The following AGPS variants were observed in gnomAD, a reference collection of about 807,000 sequenced individuals.
AGPS encodes alkyldihydroxyacetonephosphate synthase, peroxisomal.
AGPS carries 26 observed loss-of-function variants against 90.7 expected under a neutral mutation model. That is an observed-to-expected ratio of 0.29 (90% CI 0.21 to 0.40). The LOEUF (loss-of-function observed/expected upper bound fraction) is 0.40. Among genes scored for constraint, AGPS ranks in the 10% least tolerant of loss-of-function variants. The pLI is 1.00. For missense variants in AGPS, 540 were observed against 816.1 expected (o/e 0.66, Z 4.12); for synonymous variants, 294 against 285.3 (o/e 1.03, Z -0.31).
At chr2:177,505,627 T>A (rs777423702) in intron 15 of AGPS, 52 bp downstream of exon 15, 2 of 1,493,274 alleles carry the variant, frequency 1.3e-6, no homozygotes, top group Non-Finnish European at 9.3e-7. Context: ...CAAACAATAC[T>A]TTTTCTTACT....
rs148628640 is a variant in AGPS at position 177,526,190 on chromosome 2, C to A, written c.1855+2385C>A. Among the ~76,000 whole-genome samples the A allele has an allele frequency of 1.6e-4, 24 of 147,936 alleles. No homozygotes were observed. In the East Asian group the frequency reaches 4.7e-3, roughly 29 times the overall value. On this transcript the variant is annotated intron_variant, in intron 19 of 19. Transcript: ENST00000264167. ...TTTATAAGATCATGTTTATTCAATT[C>A]TTGATCACAAAGCAAATAATGTAAA...
At chr2:177,441,467 C>T (rs1382147978) in intron 6 of AGPS, 1 of 153,688 alleles carries the variant, frequency 6.5e-6, no homozygotes, top group Non-Finnish European at 1.4e-5. Flanking sequence ...CTGATGCTTT[C>T]TGTTGAATTT....
intron 1 of AGPS, among the ~76,000 whole-genome samples, chr2:177,405,223 A>G (rs1010809445): frequency 6.6e-6 from 1 of 152,240 alleles, no homozygotes; most frequent in Non-Finnish European, 1.5e-5. Context: ...GCACAGAATA[A>G]TTGAACCCCT....
At chr2:177,441,920 T>C (rs1054224864) in intron 6 of AGPS, among the ~76,000 whole-genome samples, 3 of 152,264 alleles carry the variant, frequency 2.0e-5, no homozygotes, top group African/African-American at 7.2e-5. Flanking sequence ...TCTAGACATT[T>C]TAAGCTTGTT....
chr2:177,532,016 A>G (rs543219811), intron 19 of AGPS, among the ~76,000 whole-genome samples: 6 of 152,324 alleles, frequency 3.9e-5, no homozygotes, highest in Non-Finnish European at 8.8e-5. Flanking sequence ...AAACAAAACT[A>G]TAAAACCTTT....
chr2:177,414,767 A>G (rs1685735983), intron 1 of AGPS, among the ~76,000 whole-genome samples: 1 of 152,062 alleles, frequency 6.6e-6, no homozygotes, highest in Admixed American at 6.5e-5. Flanking sequence ...TGAGCAGCGT[A>G]TTTGCCTCAG....
intron 2 of AGPS, among the ~76,000 whole-genome samples, chr2:177,425,577 C>T (rs188231959): frequency 1.7e-4 from 24 of 144,386 alleles, no homozygotes; most frequent in African/African-American, 2.6e-4. Flanking sequence ...GCCAAGATCA[C>T]GCCATTGCAC....
chr2:177,462,310 A>G (rs1436064623), intron 9 of AGPS, among the ~76,000 whole-genome samples: 1 of 148,266 alleles, frequency 6.7e-6, no homozygotes, highest in African/African-American at 2.5e-5. Context: ...GGAGAATGGC[A>G]TGAACCTGGG....
chr2:177,429,184 T>C (rs1302178889), intron 2 of AGPS, among the ~76,000 whole-genome samples: 1 of 152,230 alleles, frequency 6.6e-6, no homozygotes, highest in African/African-American at 2.4e-5. Context: ...CTCTCTAAAC[T>C]GGCTCTTCTG....
chr2:177,417,725 G>T (rs1439310567), intron 1 of AGPS, among the ~76,000 whole-genome samples: 1 of 152,016 alleles, frequency 6.6e-6, no homozygotes, highest in African/African-American at 2.4e-5. Context: ...GGGTTCTGAG[G>T]ATCTTTTTAG....
At chr2:177,491,360 G>C (rs1048035433) in intron 11 of AGPS, among the ~76,000 whole-genome samples, 53 of 151,148 alleles carry the variant, frequency 3.5e-4, no homozygotes, top group Non-Finnish European at 6.2e-4. Flanking sequence ...CTGGGTTCAA[G>C]CAATTCCCCT....
chr2:177,534,891 G>A (rs1360636273), intron 19 of AGPS, among the ~76,000 whole-genome samples: 2 of 151,856 alleles, frequency 1.3e-5, no homozygotes, highest in East Asian at 3.9e-4. Flanking sequence ...GAGTCACTGT[G>A]CCTGGCCTAG....
Position 177,497,488 on chromosome 2 carries a change from A to T in AGPS, c.1286-201A>T, listed in dbSNP as rs190454862. On this transcript the variant is annotated intron_variant, in intron 12 of 19. Transcript: ENST00000264167. ...TTGTAAATAAAAAGTTGTTTGTGACATTTGAAAGAAGATAAAAGTAGCAAA... is the reference window on the plus strand; with the variant it reads ...TTGTAAATAAAAAGTTGTTTGTGACTTTTGAAAGAAGATAAAAGTAGCAAA... 3.9e-5 allele frequency among the ~76,000 whole-genome samples: 6 copies of T among 152,016 alleles called. No homozygotes were observed. The East Asian group carries it at 9.6e-4, about 24-fold the overall frequency.
intron 19 of AGPS, 127 bp from the exon 20 acceptor site, chr2:177,537,947 A>G (rs1485035780): frequency 7.3e-7 from 1 of 1,362,924 alleles, no homozygotes; most frequent in Admixed American, 1.7e-5. Flanking sequence ...AATCAAATAA[A>G]GCAAAACATT....
In AGPS at chr2:177,427,734, G is replaced by A. The variant is rs536280459; in HGVS notation, c.351-6593G>A. ...TTCAGTTATTTTGCATTTGCTGGGG[G>A]GTGTTTTAATTCCGATTACGTGATC... On this transcript the variant is annotated intron_variant, in intron 2 of 19. Transcript: ENST00000264167. Among the ~76,000 whole-genome samples the A allele has an allele frequency of 1.4e-3, 206 of 152,060 alleles. 3 individuals carry two copies. The highest frequency in any genetic ancestry group is 4.8e-3 in the African/African-American group (201 of 41,480).
chr2:177,429,559 C>T (rs940005486), intron 2 of AGPS, among the ~76,000 whole-genome samples: 2 of 152,102 alleles, frequency 1.3e-5, no homozygotes, highest in African/African-American at 2.4e-5. Context: ...TTTTAACAGG[C>T]CACTTTTTCG....
chr2:177,435,833 T>G (rs538426076), intron 3 of AGPS, among the ~76,000 whole-genome samples: 3 of 152,332 alleles, frequency 2.0e-5, no homozygotes, highest in Non-Finnish European at 4.4e-5. Context: ...AGCCATGCTA[T>G]TAGGTGCTTT....
intron 10 of AGPS, among the ~76,000 whole-genome samples, chr2:177,476,270 C>G (rs987677222): frequency 1.2e-4 from 18 of 151,682 alleles, no homozygotes; most frequent in African/African-American, 4.4e-4. Flanking sequence ...GAAGGTTAGG[C>G]TATTTGAGAT....
intron 2 of AGPS, among the ~76,000 whole-genome samples, chr2:177,422,914 G>T (rs1348561408): frequency 6.2e-5 from 1 of 16,058 alleles, no homozygotes; most frequent in Non-Finnish European, 2.1e-4. Flanking sequence ...AGTATCTACT[G>T]AGTTACCTTA....
Sources: allele counts gnomAD v4.1 joint callset (sites outside exome capture counted in the v4.1 genomes callset), GRCh38; gene constraint gnomAD v4.1.1; transcripts MANE v1.5; gene names NCBI Gene and HGNC (gene_info 2026-07-23, HGNC 2026-07-21).